TCF7L1: variants seen among roughly 807,000 people sequenced by gnomAD.
The protein encoded by TCF7L1 is transcription factor 7 like 1, also known as transcription factor 7-like 1.
In TCF7L1, 18 loss-of-function variants were observed where a neutral mutation model predicts 63.7. The ratio of observed to expected loss-of-function variants is 0.28; its 90% CI spans 0.20 to 0.42. The LOEUF is 0.42. TCF7L1 is among the 10% of genes least tolerant of loss of function. The pLI is 1.00. For missense variants in TCF7L1, 654 were observed against 779.3 expected, an observed-to-expected ratio of 0.84 and a Z score of 1.91; for synonymous variants, 355 against 340.9, an observed-to-expected ratio of 1.04 and a Z score of -0.46.
intron 3 of TCF7L1, among the ~76,000 whole-genome samples, chr2:85,268,673 C>A (rs963543523): frequency 6.6e-6 from 1 of 151,636 alleles, no homozygotes; most frequent in East Asian, 1.9e-4. Flanking sequence ...AACTCCTGAC[C>A]TCAGGTGACC....
chr2:85,267,941 CAG>C (rs1681021990), intron 3 of TCF7L1, among the ~76,000 whole-genome samples: 2 of 152,284 alleles, frequency 1.3e-5, no homozygotes, highest in Middle Eastern at 3.4e-3. Context: ...TAATATCAAA[CAG>C]AGTATGAATT....
chr2:85,269,954 G>A (rs1681109696), intron 3 of TCF7L1, among the ~76,000 whole-genome samples: 2 of 152,248 alleles, frequency 1.3e-5, no homozygotes, highest in South Asian at 4.1e-4. Flanking sequence ...TTCACCTGTG[G>A]GGTCGGAGAG....
intron 3 of TCF7L1, among the ~76,000 whole-genome samples, chr2:85,216,031 C>A (rs1249499121): frequency 6.6e-6 from 1 of 152,080 alleles, no homozygotes; most frequent in South Asian, 2.1e-4. Flanking sequence ...GGACAATCTC[C>A]CTTTCTCCTC....
At chr2:85,307,768 C>A in intron 11 of TCF7L1, 51 bp downstream of exon 11, 1 of 1,511,796 alleles carries the variant, frequency 6.6e-7, no homozygotes, top group East Asian at 2.3e-5. Context: ...TTGTCACAGC[C>A]ACACCTGCCC....
intron 11 of TCF7L1, among the ~76,000 whole-genome samples, chr2:85,308,359 CCCT>C (rs1558663371): frequency 1.3e-5 from 2 of 149,978 alleles, no homozygotes; most frequent in Non-Finnish European, 3.0e-5. Context: ...CTCCCTCCCT[CCCT>C]TTCTTCCTCC....
intron 3 of TCF7L1, among the ~76,000 whole-genome samples, chr2:85,183,971 T>C (rs1410467863): frequency 3.3e-5 from 5 of 152,136 alleles, no homozygotes; most frequent in Admixed American, 2.0e-4. Context: ...ATTTCAGCCA[T>C]TGAAATCTTT....
At chr2:85,213,351 C>A (rs1376015262) in intron 3 of TCF7L1, among the ~76,000 whole-genome samples, 1 of 152,128 alleles carries the variant, frequency 6.6e-6, no homozygotes, top group Non-Finnish European at 1.5e-5. Context: ...TCAGGAATAT[C>A]CTATAATTCT....
At chr2:85,167,868 A>C (rs988021261) in intron 3 of TCF7L1, among the ~76,000 whole-genome samples, 3 of 152,192 alleles carry the variant, frequency 2.0e-5, no homozygotes, top group Admixed American at 6.5e-5. Flanking sequence ...TATTTCAAAA[A>C]AATAAACAAG....
At chr2:85,259,476 C>T (rs1052377635) in intron 3 of TCF7L1, among the ~76,000 whole-genome samples, 1 of 152,196 alleles carries the variant, frequency 6.6e-6, no homozygotes, top group African/African-American at 2.4e-5. Flanking sequence ...AAGCAGAGGG[C>T]TGGCCTGAGG....
At chr2:85,187,339 G>A (rs1678949900) in intron 3 of TCF7L1, 1 of 152,186 alleles carries the variant, frequency 6.6e-6, no homozygotes, top group Non-Finnish European at 1.5e-5. Context: ...AGTCATCTGG[G>A]ACAGACTAGA....
chr2:85,134,220 G>A lies in TCF7L1; in HGVS notation c.314-103G>A, dbSNP rs899942300. 1.4e-6 allele frequency: 2 copies of A among 1,476,650 alleles called. No homozygotes were observed. The allele number at this position is 1,476,650 out of a possible 1,614,324, so 91.5% of individuals were successfully genotyped here. On this transcript the variant is annotated intron_variant, in intron 2 of 11. Transcript: ENST00000282111. This position sits in a 1 kb window ranked among gnomAD's most constrained non-coding sequence, Gnocchi z 5.0. ...ATTGGCGGCAGCCCCCGTGGGGCGC[G>A]CGTGGGGGGCGCTGGGGTCCCCAGC...
At chr2:85,261,836 G>A (rs565407719) in intron 3 of TCF7L1, among the ~76,000 whole-genome samples, 19 of 152,032 alleles carry the variant, frequency 1.2e-4, no homozygotes, top group Non-Finnish European at 2.5e-4. Context: ...AGCCATGTTC[G>A]TGCCACTGCA....
chr2:85,292,182 G>A (rs1358701296), intron 4 of TCF7L1, among the ~76,000 whole-genome samples: 1 of 49,026 alleles, frequency 2.0e-5, no homozygotes, highest in Non-Finnish European at 3.0e-5. Flanking sequence ...CACTACGCCC[G>A]GCTAATTTTT....
At position 85,163,744 on chromosome 2, in the gene TCF7L1, G is replaced by A. The variant is rs1032536914; in HGVS notation, c.441+29294G>A. On this transcript the variant is annotated intron_variant, in intron 3 of 11. Transcript: ENST00000282111. The stretch of plus-strand genomic sequence containing the variant: ...GTTCCCTCTGAGGCTGTGCGGGAGG[G>A]ATCTGCTCCAGGCCTCTCTCCTTGG... Among the ~76,000 whole-genome samples, 3 of 152,094 alleles carry A rather than the reference G, an allele frequency of 2.0e-5. No individual in the cohort carries two copies. The South Asian group carries it at 6.2e-4, about 32-fold the overall frequency.
chr2:85,136,432 C>T (rs1677595584), intron 3 of TCF7L1, among the ~76,000 whole-genome samples: 1 of 152,128 alleles, frequency 6.6e-6, no homozygotes, highest in Non-Finnish European at 1.5e-5. Flanking sequence ...AAATCCAGGC[C>T]CGTGTGGGAT....
intron 3 of TCF7L1, among the ~76,000 whole-genome samples, chr2:85,222,056 AG>A (rs1401263097): frequency 1.3e-5 from 2 of 152,164 alleles, no homozygotes; most frequent in Admixed American, 1.3e-4. Flanking sequence ...AAAAGACTAA[AG>A]GTGGCCAGAT....
chr2:85,230,239 G>C (rs1680046939), intron 3 of TCF7L1, among the ~76,000 whole-genome samples: 1 of 152,150 alleles, frequency 6.6e-6, no homozygotes, highest in South Asian at 2.1e-4. Context: ...ATAAACAATA[G>C]TGCAGTGCAT....
At chr2:85,164,741 G>A (rs566002329) in intron 3 of TCF7L1, among the ~76,000 whole-genome samples, 1 of 152,292 alleles carries the variant, frequency 6.6e-6, no homozygotes, top group African/African-American at 2.4e-5. Flanking sequence ...GTCACCAGTA[G>A]CAATTGCAAA....
intron 3 of TCF7L1, among the ~76,000 whole-genome samples, chr2:85,145,737 G>T (rs959811401): frequency 2.6e-5 from 4 of 152,236 alleles, no homozygotes; most frequent in African/African-American, 4.8e-5. Context: ...GATGGAAACA[G>T]GACTAGGGTC....
Sources: gnomAD v4.1 joint callset for allele counts (sites outside exome capture counted in the v4.1 genomes callset) on GRCh38, gnomAD v4.1.1 for gene constraint, Gnocchi (gnomAD v3.1) non-coding constraint, MANE v1.5 for transcripts, NCBI Gene and HGNC (gene_info 2026-07-23, HGNC 2026-07-21) for gene names.